The following C2orf42 variants were observed in gnomAD, a reference collection of about 807,000 sequenced individuals.
C2orf42 encodes uncharacterized protein C2orf42.
C2orf42 carries 44 observed loss-of-function variants against 58.9 expected under a neutral mutation model. That is an observed-to-expected ratio of 0.75 (90% CI 0.59 to 0.96). The LOEUF is 0.96. Among genes scored for constraint, C2orf42 ranks in the 40% least tolerant of loss-of-function variants. C2orf42 has a pLI of 0.00. For missense variants in C2orf42, 630 were observed against 699.2 expected (o/e 0.90, Z 1.12); for synonymous variants, 239 against 265.4 (o/e 0.90, Z 0.97).
intron 1 of C2orf42, among the ~76,000 whole-genome samples, chr2:70,184,738 C>T (rs1264744126): frequency 2.6e-5 from 4 of 151,978 alleles, no homozygotes; most frequent in African/African-American, 4.8e-5. Flanking sequence ...GCCTCGGCCT[C>T]CCAAAGTTCT....
intron 3 of C2orf42, 106 bp from the exon 4 acceptor site, chr2:70,179,748 G>A (rs769419006): frequency 1.7e-5 from 8 of 464,988 alleles, no homozygotes; most frequent in South Asian, 4.2e-5. Flanking sequence ...TCCCCCAAAC[G>A]AATTATCCCA....
intron 1 of C2orf42, among the ~76,000 whole-genome samples, chr2:70,186,333 T>C (rs1484467180): frequency 6.6e-6 from 1 of 152,072 alleles, no homozygotes; most frequent in African/African-American, 2.4e-5. Flanking sequence ...CACACACATA[T>C]ATACAATTTG....
At chr2:70,183,673 C>T (rs919867222) in intron 1 of C2orf42, among the ~76,000 whole-genome samples, 2 of 151,656 alleles carry the variant, frequency 1.3e-5, no homozygotes, top group African/African-American at 4.8e-5. Flanking sequence ...ACCTCAGACT[C>T]CCAAAGTGCT....
intron 5 of C2orf42, among the ~76,000 whole-genome samples, chr2:70,173,513 G>A (rs1673973541): frequency 6.6e-6 from 1 of 152,114 alleles, no homozygotes; most frequent in Admixed American, 6.6e-5. Flanking sequence ...CTGACCTCAA[G>A]TGATCCATCC....
At chr2:70,172,304 T>C (rs1278257890) in intron 5 of C2orf42, among the ~76,000 whole-genome samples, 1 of 151,568 alleles carries the variant, frequency 6.6e-6, no homozygotes, top group African/African-American at 2.4e-5. Flanking sequence ...CAAGTTCCTC[T>C]CTTCTAAGAT....
At chr2:70,161,142 T>C (rs1673027709) in intron 8 of C2orf42, among the ~76,000 whole-genome samples, 1 of 152,186 alleles carries the variant, frequency 6.6e-6, no homozygotes, top group Non-Finnish European at 1.5e-5. Flanking sequence ...TTCTCTTAAA[T>C]TCCTTTGTTC....
rs190172930 is a variant in C2orf42 at position 70,150,639 on chromosome 2, C to G, written c.1517-75G>C. On this transcript the variant is annotated intron_variant, in intron 9 of 9. Coordinates refer to ENST00000264434, the MANE Select transcript of C2orf42 (RefSeq NM_017880.3). Reference sequence around the variant, plus strand: ...TGTTCCTAATTGCAAAAAAAGTGTCCGGAATTGGAGCAGCCTGTTCAGCTT... The same window carrying G: ...TGTTCCTAATTGCAAAAAAAGTGTCGGGAATTGGAGCAGCCTGTTCAGCTT... The G allele has an allele frequency of 5.8e-4, 619 of 1,070,516 alleles. 1 individual carries two copies. The African/African-American group carries it at 8.6e-3, about 15-fold the overall frequency. 66.3% of individuals were successfully genotyped at this position (1,070,516 alleles called of 1,614,324 possible).
intron 5 of C2orf42, among the ~76,000 whole-genome samples, chr2:70,174,275 C>T (rs1674037515): frequency 6.6e-6 from 1 of 152,062 alleles, no homozygotes; most frequent in African/African-American, 2.4e-5. Flanking sequence ...CATTGTACTC[C>T]AGCCTGGGCA....
intron 4 of C2orf42, among the ~76,000 whole-genome samples, chr2:70,176,344 A>T (rs1386564973): frequency 6.6e-6 from 1 of 152,090 alleles, no homozygotes; most frequent in Non-Finnish European, 1.5e-5. Flanking sequence ...CTCCACTAAA[A>T]ATATAAAAAA....
chr2:70,183,950 T>C (rs973513908), intron 1 of C2orf42, among the ~76,000 whole-genome samples: 3 of 151,948 alleles, frequency 2.0e-5, no homozygotes, highest in Non-Finnish European at 4.4e-5. Context: ...AAACTATAGG[T>C]ACATGCTGCC....
chr2:70,176,181 T>C (rs1370512542), intron 4 of C2orf42, among the ~76,000 whole-genome samples: 1 of 152,192 alleles, frequency 6.6e-6, no homozygotes, highest in African/African-American at 2.4e-5. Context: ...CAACAAATAA[T>C]GTCTTAGTAT....
chr2:70,160,895 T>C lies in C2orf42; in HGVS notation c.1354-108A>G, dbSNP rs988789600. ...ATTATTCCTTCTTTCTTGTTAAGTATATTCAAATGAATTACAACTTCCCTG... is the reference window on the plus strand; with the variant it reads ...ATTATTCCTTCTTTCTTGTTAAGTACATTCAAATGAATTACAACTTCCCTG... On this transcript the variant is annotated intron_variant, in intron 8 of 9. Coordinates refer to ENST00000264434, the MANE Select transcript of C2orf42 (RefSeq NM_017880.3). 8.7e-6 allele frequency: 6 copies of C among 691,322 alleles called. No individual in the cohort carries two copies. The African/African-American group carries it at 9.4e-5, about 11-fold the overall frequency. The allele number at this position is 691,322 out of a possible 1,614,324, so 42.8% of individuals were successfully genotyped here. A position where few individuals can be genotyped will look rare whatever the true frequency, so the allele number is the denominator to read the frequency against.
At chr2:70,179,810 C>T (rs539321651) in intron 3 of C2orf42, among the ~76,000 whole-genome samples, 168 bp from the exon 4 acceptor site, 1 of 152,178 alleles carries the variant, frequency 6.6e-6, no homozygotes, top group Non-Finnish European at 1.5e-5. Flanking sequence ...AAAATTACCA[C>T]GCCTGTGTTC....
At chr2:70,179,936 C>A (rs764414607) in intron 3 of C2orf42, among the ~76,000 whole-genome samples, 10 of 151,936 alleles carry the variant, frequency 6.6e-5, no homozygotes, top group Admixed American at 3.3e-4. Flanking sequence ...CAGACGCTGT[C>A]TCAAAAAACA....
intron 9 of C2orf42, among the ~76,000 whole-genome samples, chr2:70,159,347 G>T (rs13030067): frequency 1.3e-5 from 2 of 151,728 alleles, no homozygotes; most frequent in Admixed American, 1.3e-4. Flanking sequence ...TAGCACTTTG[G>T]GGGGCCGAGG....
At chr2:70,181,000 CAAAAAAAAAAAA>C (rs58297085) in intron 3 of C2orf42, among the ~76,000 whole-genome samples, 151 bp downstream of exon 3, 1 of 60,396 alleles carries the variant, frequency 1.7e-5, no homozygotes, top group Non-Finnish European at 2.8e-5. Context: ...GACCTTGTCT[CAAAAAAAAAAAA>C]AAAAAAAAAA....
chr2:70,164,781 A>G (rs1287862644), intron 8 of C2orf42, among the ~76,000 whole-genome samples: 1 of 152,224 alleles, frequency 6.6e-6, no homozygotes, highest in East Asian at 1.9e-4. Flanking sequence ...GCTGCCTGCC[A>G]GTCAAATCTA....
chr2:70,187,985 C>A (rs1022641095), intron 1 of C2orf42, among the ~76,000 whole-genome samples: 5 of 152,134 alleles, frequency 3.3e-5, no homozygotes, highest in Admixed American at 2.0e-4. Flanking sequence ...GCCACCATAC[C>A]CGACTGCATT....
chr2:70,173,022 G>A (rs1573008784), intron 5 of C2orf42, among the ~76,000 whole-genome samples: 1 of 152,100 alleles, frequency 6.6e-6, no homozygotes, highest in South Asian at 2.1e-4. Flanking sequence ...AATTAGAAGG[G>A]TATAGTGGCA....
Sources: allele counts gnomAD v4.1 joint callset (sites outside exome capture counted in the v4.1 genomes callset), GRCh38; gene constraint gnomAD v4.1.1; transcripts MANE v1.5; gene names NCBI Gene and HGNC (gene_info 2026-07-23, HGNC 2026-07-21).